Variants in COBLL1 observed in about 807,000 individuals in gnomAD.
COBLL1 encodes cordon-bleu WH2 repeat protein like 1.
Under a neutral mutation model 94.8 loss-of-function variants are expected in COBLL1, and 50 were observed. The ratio of observed to expected loss-of-function variants is 0.53; its 90% CI spans 0.42 to 0.67. The LOEUF (loss-of-function observed/expected upper bound fraction) is 0.67, where lower values mean the gene tolerates loss of function less well. Among genes scored for constraint, COBLL1 ranks in the 30% least tolerant of loss-of-function variants. COBLL1 has a pLI of 0.00. For missense variants in COBLL1, 1,362 were observed against 1,348.7 expected (o/e 1.01, Z -0.15); for synonymous variants, 448 against 473.8 (o/e 0.95, Z 0.71).
intron 7 of COBLL1, chr2:164,718,234 A>G (rs921695347): frequency 6.1e-6 from 6 of 984,510 alleles, no homozygotes; most frequent in African/African-American, 1.7e-5. Context: ...GGAGAACACA[A>G]TTCCTGCCTT....
At chr2:164,732,821 C>T (rs1686087287) in intron 3 of COBLL1, among the ~76,000 whole-genome samples, 1 of 152,094 alleles carries the variant, frequency 6.6e-6, no homozygotes, top group East Asian at 1.9e-4. Flanking sequence ...TTTGGGAGGC[C>T]GAGGCAGGCG....
intron 1 of COBLL1, among the ~76,000 whole-genome samples, chr2:164,666,185 G>A (rs954212384): frequency 1.3e-5 from 2 of 152,068 alleles, no homozygotes; most frequent in African/African-American, 4.8e-5. Context: ...ATACCTCAGA[G>A]ATACTGCAGG....
chr2:164,841,149 G>A lies in COBLL1; in HGVS notation c.41+7C>T. On this transcript the variant is annotated splice_region_variant and intron_variant, in intron 2 of 13. Transcript: ENST00000652658. The surrounding 1 kb of genome is among the most constrained non-coding windows in gnomAD (Gnocchi z 5.5). ...CGGTGAGAGGCGGCGCGGCGCTCTG[G>A]GCTTACCTGGCTGGGGCGTCCTGCG... 8.1e-7 allele frequency: 1 copy of A among 1,230,324 alleles called. No homozygotes were observed. The highest frequency in any genetic ancestry group is 1.0e-6 in the Non-Finnish European group (1 of 987,122). 76.2% of individuals were successfully genotyped at this position (1,230,324 alleles called of 1,614,324 possible).
At chr2:164,730,690 T>C (rs940893930) in intron 3 of COBLL1, among the ~76,000 whole-genome samples, 2 of 152,174 alleles carry the variant, frequency 1.3e-5, no homozygotes, top group African/African-American at 4.8e-5. Context: ...AAATTATAAA[T>C]TTCAGGAGGA....
intron 2 of COBLL1, among the ~76,000 whole-genome samples, chr2:164,749,970 T>G (rs972414742): frequency 6.6e-6 from 1 of 152,160 alleles, no homozygotes; most frequent in African/African-American, 2.4e-5. Context: ...TCTTCCTTCT[T>G]CACTGCCACT....
chr2:164,741,201 G>A (rs1342671934), intron 3 of COBLL1, among the ~76,000 whole-genome samples: 1 of 152,006 alleles, frequency 6.6e-6, no homozygotes, highest in Non-Finnish European at 1.5e-5. Flanking sequence ...GCTTGAACCC[G>A]GGAGGTGGAG....
chr2:164,812,560 T>TTCACACTGTTCCTC (rs1175772511), intron 2 of COBLL1, among the ~76,000 whole-genome samples: 1 of 152,000 alleles, frequency 6.6e-6, no homozygotes, highest in Non-Finnish European at 1.5e-5. Context: ...TGTGAATGGT[T>TTCACACTGTTCCTC]TCACACTGTT....
At chr2:164,814,061 G>A (rs1340317211) in intron 2 of COBLL1, among the ~76,000 whole-genome samples, 1 of 151,930 alleles carries the variant, frequency 6.6e-6, no homozygotes, top group Non-Finnish European at 1.5e-5. Flanking sequence ...ATAAAGTTTT[G>A]GAAAAGTAAT....
chr2:164,771,459 C>G (rs1406828076), intron 2 of COBLL1, among the ~76,000 whole-genome samples: 1 of 151,882 alleles, frequency 6.6e-6, no homozygotes, highest in Non-Finnish European at 1.5e-5. Context: ...TTAGAGTACC[C>G]CTATTAGACA....
Position 164,694,525 on chromosome 2 carries a change from A to ACAGGTTTTG in COBLL1, c.2858_2866dup (p.Pro955_Val956insAlaLysPro). 6.2e-7 allele frequency: 1 copy of ACAGGTTTTG among 1,614,000 alleles called. No homozygotes were observed. On this transcript the variant is annotated inframe_insertion, in exon 12 of 14. Transcript: ENST00000652658. ...GGATACCTGACTAGCAGGAATTGTC[A>ACAGGTTTTG]CAGGTTTTGGAGCTATGGGAGGAGG...
At chr2:164,727,884 G>T in intron 5 of COBLL1, 85 bp downstream of exon 5, 1 of 887,490 alleles carries the variant, frequency 1.1e-6, no homozygotes, top group South Asian at 1.7e-5. Context: ...TTATGAACTT[G>T]AGAACACCTT....
At chr2:164,815,569 C>A (rs1235085252) in intron 2 of COBLL1, among the ~76,000 whole-genome samples, 2 of 152,024 alleles carry the variant, frequency 1.3e-5, no homozygotes, top group East Asian at 3.9e-4. Flanking sequence ...CTAGTTTCCT[C>A]CTGTATAAAA....
At chr2:164,818,017 A>G (rs1236933159) in intron 2 of COBLL1, among the ~76,000 whole-genome samples, 1 of 151,936 alleles carries the variant, frequency 6.6e-6, no homozygotes, top group Non-Finnish European at 1.5e-5. Context: ...ACTTTTTCAT[A>G]TTAATCTTTA....
intron 5 of COBLL1, chr2:164,725,039 T>C (rs1198319989): frequency 6.7e-6 from 1 of 149,534 alleles, no homozygotes; most frequent in East Asian, 2.0e-4. Flanking sequence ...GTGAGGGAAG[T>C]ATCAAAAGTT....
chr2:164,749,912 G>C (rs908562789), intron 2 of COBLL1, among the ~76,000 whole-genome samples: 1 of 152,036 alleles, frequency 6.6e-6, no homozygotes, highest in East Asian at 1.9e-4. Flanking sequence ...TCCTCTGTGA[G>C]GGATTGTCTT....
chr2:164,658,878 A>G (rs1691025505), intron 2 of COBLL1, among the ~76,000 whole-genome samples: 1 of 152,082 alleles, frequency 6.6e-6, no homozygotes, highest in African/African-American at 2.4e-5. Context: ...TTCTATAAGC[A>G]TCTCTAATGG....
chr2:164,837,866 G>T (rs1683397647), intron 2 of COBLL1, among the ~76,000 whole-genome samples: 1 of 152,048 alleles, frequency 6.6e-6, no homozygotes, highest in South Asian at 2.1e-4. Flanking sequence ...ATATAAAGTG[G>T]ATACTTCTGC....
chr2:164,817,984 C>A (rs540037803), intron 2 of COBLL1, among the ~76,000 whole-genome samples: 3 of 152,112 alleles, frequency 2.0e-5, no homozygotes, highest in Non-Finnish European at 4.4e-5. Context: ...GTTTCTCAAT[C>A]ACAAATAAGG....
intron 2 of COBLL1, among the ~76,000 whole-genome samples, chr2:164,801,958 T>C (rs921617839): frequency 1.3e-5 from 2 of 152,182 alleles, no homozygotes. Context: ...TGCTTAAGCA[T>C]TCAAAAGGAG....
Sources: allele counts gnomAD v4.1 joint callset (sites outside exome capture counted in the v4.1 genomes callset), GRCh38; gene constraint gnomAD v4.1.1; non-coding constraint Gnocchi (gnomAD v3.1); transcripts MANE v1.5; gene names NCBI Gene and HGNC (gene_info 2026-07-23, HGNC 2026-07-21).